Variants in PTPRD observed in about 807,000 individuals in gnomAD.
PTPRD encodes receptor-type tyrosine-protein phosphatase delta.
PTPRD carries 34 observed loss-of-function variants against 214.5 expected under a neutral mutation model. The observed-to-expected ratio is 0.16, with a 90% CI of 0.12 to 0.21. The LOEUF is 0.21. PTPRD is among the 10% of genes least tolerant of loss of function. The pLI is 1.00. For missense variants in PTPRD, 2,545 were observed against 2,398.7 expected (o/e 1.06, Z -1.27); for synonymous variants, 1,128 against 845.7 (o/e 1.33, Z -5.79).
chr9:10,031,683 T>C (rs921655129), intron 4 of PTPRD, among the ~76,000 whole-genome samples: 2 of 125,608 alleles, frequency 1.6e-5, no homozygotes, highest in African/African-American at 7.1e-5. Flanking sequence ...CACACACACA[T>C]ATCCTATTAG....
At chr9:8,409,456 CTG>C (rs369293959) in intron 35 of PTPRD, among the ~76,000 whole-genome samples, 232 of 152,272 alleles carry the variant, frequency 1.5e-3, no homozygotes, top group African/African-American at 5.3e-3. Context: ...TGGGAACAAT[CTG>C]TGTAGTACTG....
At chr9:9,777,265 A>G (rs1023706035) in intron 5 of PTPRD, among the ~76,000 whole-genome samples, 2 of 152,106 alleles carry the variant, frequency 1.3e-5, no homozygotes, top group Non-Finnish European at 2.9e-5. Context: ...TCTTTCATAA[A>G]TATCTGGTAC....
At chr9:10,094,519 G>GT (rs1427587198) in intron 3 of PTPRD, among the ~76,000 whole-genome samples, 43 of 136,176 alleles carry the variant, frequency 3.2e-4, no homozygotes, top group African/African-American at 1.1e-3. Context: ...ACAACAGTAT[G>GT]GTTTTTTTTT....
At chr9:8,783,875 C>A (rs942330768) in intron 11 of PTPRD, among the ~76,000 whole-genome samples, 1 of 152,148 alleles carries the variant, frequency 6.6e-6, no homozygotes, top group East Asian at 1.9e-4. Flanking sequence ...AGCATCGAGA[C>A]ACTCAATATT....
chr9:8,982,408 G>T (rs765939659), intron 11 of PTPRD, among the ~76,000 whole-genome samples: 5 of 151,724 alleles, frequency 3.3e-5, no homozygotes, highest in Non-Finnish European at 7.4e-5. Context: ...TTCCCAACAA[G>T]AATAACTTTT....
At chr9:8,430,452 G>A (rs1350360958) in intron 35 of PTPRD, among the ~76,000 whole-genome samples, 2 of 85,888 alleles carry the variant, frequency 2.3e-5, no homozygotes, top group African/African-American at 8.9e-5. Context: ...TTTTTTTTTT[G>A]TAGTTTTGCA....
chr9:9,098,236 C>G (rs1223709005), intron 10 of PTPRD, among the ~76,000 whole-genome samples: 1 of 151,964 alleles, frequency 6.6e-6, no homozygotes, highest in South Asian at 2.1e-4. Context: ...ATTTTTGACT[C>G]CTATTCTTTT....
intron 10 of PTPRD, among the ~76,000 whole-genome samples, chr9:9,037,094 C>T (rs73430130): frequency 0.027 from 4,127 of 152,166 alleles, 183 homozygotes; most frequent in African/African-American, 0.094. Context: ...CCGTTAATAA[C>T]AGGAAGTAAC....
At chr9:9,323,045 T>C (rs1033568272) in intron 9 of PTPRD, among the ~76,000 whole-genome samples, 3 of 152,166 alleles carry the variant, frequency 2.0e-5, no homozygotes, top group Non-Finnish European at 4.4e-5. Flanking sequence ...TAAGTTACTG[T>C]TTACAATTTT....
chr9:9,451,911 GAAATA>G (rs914279834), intron 8 of PTPRD, among the ~76,000 whole-genome samples: 3 of 151,214 alleles, frequency 2.0e-5, no homozygotes, highest in African/African-American at 7.3e-5. Context: ...TGAATAGTTT[GAAATA>G]AAATAATATG....
At chr9:9,131,362 A>G (rs1225402706) in intron 10 of PTPRD, among the ~76,000 whole-genome samples, 3 of 152,204 alleles carry the variant, frequency 2.0e-5, no homozygotes, top group African/African-American at 7.2e-5. Context: ...ACTAGAAACA[A>G]TGGACTTTTC....
At chr9:10,282,691 A>C (rs2095182267) in intron 3 of PTPRD, among the ~76,000 whole-genome samples, 1 of 151,990 alleles carries the variant, frequency 6.6e-6, no homozygotes, top group Non-Finnish European at 1.5e-5. Flanking sequence ...AGAATATTAA[A>C]GAAGTACAGC....
intron 3 of PTPRD, among the ~76,000 whole-genome samples, chr9:10,056,353 GA>G (rs1202041557): frequency 1.6e-4 from 24 of 150,250 alleles, no homozygotes; most frequent in African/African-American, 5.4e-4. Context: ...TAAAAAATCT[GA>G]CTTTCTGAAG....
chr9:9,751,689 G>T (rs1344037187), intron 6 of PTPRD, among the ~76,000 whole-genome samples: 8 of 152,164 alleles, frequency 5.3e-5, no homozygotes, highest in Non-Finnish European at 7.4e-5. Flanking sequence ...ACAGAGATTG[G>T]AATGATATAT....
At chr9:9,493,953 T>C (rs1328752047) in intron 8 of PTPRD, among the ~76,000 whole-genome samples, 4 of 152,144 alleles carry the variant, frequency 2.6e-5, no homozygotes, top group African/African-American at 9.7e-5. Context: ...AGAACATTTG[T>C]AATTCATGAG....
chr9:10,005,850 A>G (rs2096462655), intron 4 of PTPRD, among the ~76,000 whole-genome samples: 1 of 152,132 alleles, frequency 6.6e-6, no homozygotes, highest in Admixed American at 6.6e-5. Flanking sequence ...TATTAGATAT[A>G]AAAGAACAAA....
At chr9:10,024,904 G>C (rs2096893553) in intron 4 of PTPRD, among the ~76,000 whole-genome samples, 1 of 151,144 alleles carries the variant, frequency 6.6e-6, no homozygotes, top group Admixed American at 6.6e-5. Context: ...CCGTGCGATA[G>C]TTTGCTGAGA....
At chr9:8,463,329 A>AC (rs897179062) in intron 32 of PTPRD, among the ~76,000 whole-genome samples, 10 of 150,822 alleles carry the variant, frequency 6.6e-5, no homozygotes, top group African/African-American at 2.2e-4. Context: ...AAAAAAAAAA[A>AC]AAAAAGATGT....
At chr9:10,309,519 TTTC>T (rs202050415) in intron 3 of PTPRD, among the ~76,000 whole-genome samples, 32,749 of 144,542 alleles carry the variant, frequency 0.23, 3,720 homozygotes, top group African/African-American at 0.34. Flanking sequence ...CATCCAGCTA[TTTC>T]TTTTTTTTTT....
Sources: gnomAD v4.1 joint callset for allele counts (sites outside exome capture counted in the v4.1 genomes callset) on GRCh38, gnomAD v4.1.1 for gene constraint, MANE v1.5 for transcripts, NCBI Gene and HGNC (gene_info 2026-07-23, HGNC 2026-07-21) for gene names.